POC5: variants seen among roughly 807,000 people sequenced by gnomAD.
The protein encoded by POC5 is POC5 centriolar protein, also known as centrosomal protein POC5.
A neutral mutation model predicts 62.9 loss-of-function variants in POC5; 48 were observed. The observed-to-expected ratio is 0.76, with a 90% confidence interval of 0.61 to 0.97. The LOEUF (loss-of-function observed/expected upper bound fraction) is 0.97. Among genes scored for constraint, POC5 ranks in the 50% least tolerant of loss-of-function variants. POC5 has a pLI of 0.00. For synonymous variants in POC5, 236 were observed against 228.2 expected, an observed-to-expected ratio of 1.03 and a Z score of -0.31; for missense variants, 696 against 679.5, an observed-to-expected ratio of 1.02 and a Z score of -0.27.
chr5:75,678,021 A>G (rs1432421772), intron 10 of POC5, 71 bp from the exon 11 acceptor site: 1 of 1,267,250 alleles, frequency 7.9e-7, no homozygotes, highest in Non-Finnish European at 1.0e-6. Flanking sequence ...TTGATTCCAT[A>G]AATTATGAAG....
At chr5:75,708,236 A>T (rs751844767) in intron 2 of POC5, among the ~76,000 whole-genome samples, 2 of 151,872 alleles carry the variant, frequency 1.3e-5, no homozygotes, top group East Asian at 3.9e-4. Context: ...AGTTGTAGCT[A>T]CTCAGGAGGC....
rs1011089562 is a variant in POC5 at position 75,677,695 on chromosome 5, A to G, written c.1584+79T>C. On this transcript the variant is annotated intron_variant, in intron 11 of 11. Coordinates refer to ENST00000428202, the MANE Select transcript of POC5 (RefSeq NM_001099271.2). ...CATCATAAATTTTTATCTTCTCAAC[A>G]TGTTATGTAAGTGTTTACTAGTCTA... 4.3e-6 allele frequency: 5 copies of G among 1,163,790 alleles called. No homozygotes were observed. The Admixed American group carries it at 1.6e-4, about 36-fold the overall frequency. 72.1% of individuals were successfully genotyped at this position (1,163,790 alleles called of 1,614,324 possible). A position where few individuals can be genotyped will look rare whatever the true frequency, so the allele number is the denominator to read the frequency against.
intron 9 of POC5, among the ~76,000 whole-genome samples, chr5:75,687,296 C>T (rs755594803): frequency 6.6e-6 from 1 of 152,128 alleles, no homozygotes; most frequent in Non-Finnish European, 1.5e-5. Context: ...TCCCAAAGTG[C>T]TGGGATTACA....
At chr5:75,711,405 T>C (rs1777338310) in intron 2 of POC5, among the ~76,000 whole-genome samples, 1 of 152,180 alleles carries the variant, frequency 6.6e-6, no homozygotes, top group Non-Finnish European at 1.5e-5. Context: ...ATAAGCACTA[T>C]GGATGCTGCC....
intron 10 of POC5, among the ~76,000 whole-genome samples, chr5:75,683,392 C>A (rs942322704): frequency 1.3e-5 from 2 of 152,000 alleles, no homozygotes; most frequent in African/African-American, 4.8e-5. Flanking sequence ...CACCACCATG[C>A]CCGGCTAATT....
intron 4 of POC5, among the ~76,000 whole-genome samples, chr5:75,704,660 C>A (rs571289395): frequency 6.6e-6 from 1 of 152,254 alleles, no homozygotes; most frequent in East Asian, 1.9e-4. Context: ...AATATCTCAA[C>A]ACTTACCTTT....
chr5:75,703,393 C>T (rs953398308), intron 4 of POC5, among the ~76,000 whole-genome samples: 4 of 150,788 alleles, frequency 2.7e-5, no homozygotes, highest in East Asian at 2.0e-4. Context: ...TTTGGGAGGC[C>T]GAGGCGGGTG....
chr5:75,677,708 G>C, intron 11 of POC5, 66 bp downstream of exon 11: 1 of 1,321,394 alleles, frequency 7.6e-7, no homozygotes. Flanking sequence ...TTATGTAAGT[G>C]TTTACTAGTC....
At chr5:75,694,563 T>A (rs1274210427) in intron 6 of POC5, 92 bp downstream of exon 6, 4 of 1,052,718 alleles carry the variant, frequency 3.8e-6, no homozygotes, top group Non-Finnish European at 5.3e-6. Flanking sequence ...AGAACCTGTA[T>A]CTTGTATGAG....
At chr5:75,692,928 CT>C (rs1776402254) in intron 6 of POC5, among the ~76,000 whole-genome samples, 1 of 151,230 alleles carries the variant, frequency 6.6e-6, no homozygotes, top group African/African-American at 2.4e-5. Context: ...ATAGAAGTTC[CT>C]CAACGACTGT....
At chr5:75,675,471 T>G (rs948026369) in intron 11 of POC5, among the ~76,000 whole-genome samples, 4 of 152,186 alleles carry the variant, frequency 2.6e-5, no homozygotes, top group African/African-American at 9.7e-5. Flanking sequence ...TCACTATGTA[T>G]TTAAAAAACT....
At chr5:75,713,478 A>AC (rs1327598348) in intron 1 of POC5, among the ~76,000 whole-genome samples, 4 of 152,230 alleles carry the variant, frequency 2.6e-5, no homozygotes, top group African/African-American at 9.7e-5. Context: ...ACAAATAGTG[A>AC]CTATTCGAAC....
chr5:75,690,458 T>C lies in POC5; in HGVS notation c.900A>G (p.Val300=). 1 of 1,611,976 alleles carries C rather than the reference T, an allele frequency of 6.2e-7. No homozygotes were observed. Among genetic ancestry groups the C allele is most frequent in the South Asian group, 1.1e-5 (1 of 90,600 alleles). Residue 300 remains valine, a synonymous_variant, in exon 8 of 12, where the codon GTA becomes GTG. Transcript: ENST00000428202. The stretch of plus-strand genomic sequence containing the variant: ...CAGCTCTTGCTTGACAAGCTCTTTC[T>C]ACCACATCTTTCCACTGCTTTTGCA... ...SVVQKQWKDV[V]ERACQARAEE...
chr5:75,687,326 G>C (rs1161506570), intron 9 of POC5, among the ~76,000 whole-genome samples: 1 of 151,996 alleles, frequency 6.6e-6, no homozygotes, highest in Non-Finnish European at 1.5e-5. Context: ...GACCGCGCCT[G>C]GCCTATAAAA....
At chr5:75,699,364 T>A (rs1211528289) in intron 5 of POC5, among the ~76,000 whole-genome samples, 1 of 151,966 alleles carries the variant, frequency 6.6e-6, no homozygotes. Flanking sequence ...AAAAAGCTTA[T>A]CCACCATGAT....
chr5:75,696,651 G>A (rs185608432), intron 5 of POC5, among the ~76,000 whole-genome samples: 17 of 152,316 alleles, frequency 1.1e-4, no homozygotes, highest in East Asian at 1.9e-4. Context: ...AAAGCAGAGC[G>A]ACTCTCCTCC....
At chr5:75,692,546 C>T in intron 6 of POC5, 46 bp from the exon 7 acceptor site, 1 of 1,328,044 alleles carries the variant, frequency 7.5e-7, no homozygotes, top group Non-Finnish European at 1.0e-6. Flanking sequence ...AAAATAACAG[C>T]AATTGGTAAA....
At chr5:75,693,343 AAG>A (rs1776425997) in intron 6 of POC5, among the ~76,000 whole-genome samples, 1 of 151,974 alleles carries the variant, frequency 6.6e-6, no homozygotes, top group Non-Finnish European at 1.5e-5. Context: ...TCACATTAGA[AAG>A]AGATTTTGTA....
chr5:75,700,141 G>A (rs1776804999), intron 5 of POC5, among the ~76,000 whole-genome samples: 1 of 151,956 alleles, frequency 6.6e-6, no homozygotes, highest in Non-Finnish European at 1.5e-5. Context: ...TGGCCATACT[G>A]CCCAAGGTAA....
Sources: gnomAD v4.1 joint callset for allele counts (sites outside exome capture counted in the v4.1 genomes callset) on GRCh38, gnomAD v4.1.1 for gene constraint, MANE v1.5 for transcripts, NCBI Gene and HGNC (gene_info 2026-07-23, HGNC 2026-07-21) for gene names.